Variants in RLF observed in about 807,000 individuals in gnomAD.
The protein encoded by RLF is zinc finger protein Rlf.
In RLF, 7 loss-of-function variants were observed where a neutral mutation model predicts 162.9. That is an observed-to-expected ratio of 0.04 (90% CI 0.02 to 0.08). RLF has a LOEUF of 0.08. Among genes scored for constraint, RLF ranks in the 10% least tolerant of loss-of-function variants. RLF has a pLI of 1.00. For missense variants in RLF, 1,664 were observed against 2,244.7 expected, an observed-to-expected ratio of 0.74 and a Z score of 5.23; for synonymous variants, 782 against 791.5, an observed-to-expected ratio of 0.99 and a Z score of 0.20.
intron 5 of RLF, among the ~76,000 whole-genome samples, chr1:40,206,627 T>G (rs1398045373): frequency 6.6e-6 from 1 of 152,234 alleles, no homozygotes; most frequent in African/African-American, 2.4e-5. Context: ...CTTTCCATCT[T>G]ACTCAGAATA....
intron 7 of RLF, among the ~76,000 whole-genome samples, chr1:40,235,260 C>T (rs898872665): frequency 1.3e-5 from 2 of 151,896 alleles, no homozygotes; most frequent in African/African-American, 4.8e-5. Flanking sequence ...GGGGTTTCTC[C>T]GTGTTGGTCA....
intron 4 of RLF, among the ~76,000 whole-genome samples, chr1:40,199,695 T>TTA (rs1642685746): frequency 1.3e-5 from 2 of 152,214 alleles, no homozygotes; most frequent in South Asian, 4.1e-4. Flanking sequence ...AATATGCCTG[T>TTA]TATCAGGTAT....
chr1:40,196,069 T>C (rs1642631417), intron 4 of RLF, among the ~76,000 whole-genome samples: 2 of 151,988 alleles, frequency 1.3e-5, no homozygotes, highest in South Asian at 4.1e-4. Flanking sequence ...TTGCTTATAC[T>C]TTTCTTTTCT....
intron 1 of RLF, among the ~76,000 whole-genome samples, chr1:40,175,653 A>T (rs115891215): frequency 0.048 from 7,337 of 151,734 alleles, 582 homozygotes; most frequent in African/African-American, 0.17. Flanking sequence ...CGACTCAAAA[A>T]AATAATAATA....
rs1426083298 is a variant in RLF at position 40,161,581 on chromosome 1, G to A, written c.182G>A (p.Arg61Lys). Residue 61 changes from arginine to lysine, a missense_variant, in exon 1 of 8, where the codon AGG (arginine) becomes AAG (lysine). By Grantham distance (26) the Arg-to-Lys change is conservative. This residue lies in a region of RLF where 134 missense variants were observed against 124.3 expected (regional missense o/e 1.08). Coordinates refer to ENST00000372771, the MANE Select transcript of RLF (RefSeq NM_012421.4). This position sits in a 1 kb window ranked among gnomAD's most constrained non-coding sequence, Gnocchi z 4.4. ...CTGTGGCAGCTGGAGACAGAGCTGAGGGAGCAAGAGGTGTCGGAGGTCTCA... is the reference window on the plus strand; with the variant it reads ...CTGTGGCAGCTGGAGACAGAGCTGAAGGAGCAAGAGGTGTCGGAGGTCTCA... Reference protein sequence around the residue: ...PCLWQLETELREQEVSEVSSL... With the variant: ...PCLWQLETELKEQEVSEVSSL... 6.2e-7 allele frequency: 1 copy of A among 1,613,012 alleles called. No homozygotes were observed. The highest frequency in any genetic ancestry group is 8.5e-7 in the Non-Finnish European group (1 of 1,179,588).
At chr1:40,194,934 AGTGATTCTCCT>A (rs1483898432) in intron 3 of RLF, among the ~76,000 whole-genome samples, 1 of 151,674 alleles carries the variant, frequency 6.6e-6, no homozygotes, top group African/African-American at 2.4e-5. Flanking sequence ...CCCAGGCTCA[AGTGATTCTCCT>A]GCCTCAGCCT....
chr1:40,219,521 G>T (rs1171224258), intron 5 of RLF, among the ~76,000 whole-genome samples: 1 of 152,186 alleles, frequency 6.6e-6, no homozygotes, highest in Non-Finnish European at 1.5e-5. Context: ...AGTCTAGAGT[G>T]ATATTCCTGT....
At chr1:40,199,338 G>T (rs1642679392) in intron 4 of RLF, among the ~76,000 whole-genome samples, 1 of 152,226 alleles carries the variant, frequency 6.6e-6, no homozygotes, top group Non-Finnish European at 1.5e-5. Context: ...TGTAATAAAG[G>T]AGATATCAGA....
At position 40,237,319 on chromosome 1, in the gene RLF, G is replaced by A. The variant is rs141179111; in HGVS notation, c.2617G>A (p.Ala873Thr). Residue 873 changes from alanine to threonine, a missense_variant, in exon 8 of 8, where the codon GCA (alanine) becomes ACA (threonine). Ala to Thr is a moderately conservative substitution (Grantham distance 58). This residue lies in a region of RLF where 295 missense variants were observed against 317.4 expected (regional missense o/e 0.93). Transcript: ENST00000372771. The surrounding 1 kb of genome is among the most constrained non-coding windows in gnomAD (Gnocchi z 4.4). ...KSHLPEDLFC[A>T]ESANSQIDTE... Reference sequence around the variant, plus strand: ...ACATTTACCTGAAGATCTTTTCTGTGCAGAATCAGCTAATTCTCAAATAGA... The same window carrying A: ...ACATTTACCTGAAGATCTTTTCTGTACAGAATCAGCTAATTCTCAAATAGA... 604 of 1,613,922 alleles carry A rather than the reference G, an allele frequency of 3.7e-4. 5 individuals are homozygous for A. In the African/African-American group the frequency reaches 6.8e-3, roughly 18 times the overall value.
At chr1:40,215,447 A>G (rs1642913813) in intron 5 of RLF, among the ~76,000 whole-genome samples, 1 of 152,236 alleles carries the variant, frequency 6.6e-6, no homozygotes, top group Non-Finnish European at 1.5e-5. Flanking sequence ...CTCTAACTAC[A>G]GTAAAATAAA....
chr1:40,217,634 C>T (rs573088637), intron 5 of RLF, among the ~76,000 whole-genome samples: 4 of 151,798 alleles, frequency 2.6e-5, no homozygotes, highest in African/African-American at 7.2e-5. Flanking sequence ...TAGCTGGGCG[C>T]GGGAGCGTAC....
At chr1:40,205,350 A>G (rs1217253093) in intron 5 of RLF, among the ~76,000 whole-genome samples, 1 of 152,146 alleles carries the variant, frequency 6.6e-6, no homozygotes, top group Non-Finnish European at 1.5e-5. Context: ...TCTTCAAAAA[A>G]ATAAAATAAA....
intron 5 of RLF, among the ~76,000 whole-genome samples, chr1:40,221,391 A>C (rs1642992323): frequency 6.6e-6 from 1 of 152,160 alleles, no homozygotes; most frequent in Non-Finnish European, 1.5e-5. Flanking sequence ...AGTGCTACAA[A>C]GGAGAAATTT....
At chr1:40,211,960 T>A (rs1266549045) in intron 5 of RLF, among the ~76,000 whole-genome samples, 2 of 152,244 alleles carry the variant, frequency 1.3e-5, no homozygotes, top group African/African-American at 4.8e-5. Context: ...GTGATACTTT[T>A]CTTTTGCAAG....
Position 40,236,086 on chromosome 1 carries a change from C to T in RLF, c.1384C>T (p.His462Tyr). The part of the protein sequence containing the change: ...RCELLLALKA[H>Y]WPFDPEFWDW... Reference sequence around the variant, plus strand: ...TGAGCTCTTACTAGCTTTAAAAGCCCACTGGCCTTTTGATCCTGAGTTTTG... The same window carrying T: ...TGAGCTCTTACTAGCTTTAAAAGCCTACTGGCCTTTTGATCCTGAGTTTTG... The change falls in exon 8 of 8, where the codon CAC becomes TAC. Residue 462 changes from histidine to tyrosine, a missense_variant. By Grantham distance (83) the His-to-Tyr change is moderately conservative. Coordinates refer to ENST00000372771, the MANE Select transcript of RLF (RefSeq NM_012421.4). The surrounding 1 kb of genome is among the most constrained non-coding windows in gnomAD (Gnocchi z 7.7). 1 of 1,614,120 alleles carries T rather than the reference C, an allele frequency of 6.2e-7. No homozygotes were observed. Among genetic ancestry groups the T allele is most frequent in the Non-Finnish European group, 8.5e-7 (1 of 1,180,004 alleles).
rs1381259145 is a variant in RLF at position 40,165,569 on chromosome 1, T to A, written c.237+3933T>A. Among the ~76,000 whole-genome samples, 4 of 152,104 alleles carry A rather than the reference T, an allele frequency of 2.6e-5. 1 individual carries two copies. Among genetic ancestry groups the A allele is most frequent in the Non-Finnish European group, 5.9e-5 (4 of 68,022 alleles). Reference sequence around the variant, plus strand: ...CCAGATAGGTTTCCTCTTATTTGTTTGGGATTTTTTTGGGGGGACACTGTA... The same window carrying A: ...CCAGATAGGTTTCCTCTTATTTGTTAGGGATTTTTTTGGGGGGACACTGTA... On this transcript the variant is annotated intron_variant, in intron 1 of 7. Coordinates refer to ENST00000372771, the MANE Select transcript of RLF (RefSeq NM_012421.4).
Position 40,182,753 on chromosome 1 carries a change from G to GTAGGTAGATAGATAGA in RLF, c.238-6299_238-6298insGTAGATAGATAGATAG, listed in dbSNP as rs144667492. ...GAAAAAAGTATAGACAGATAGATAGGTAGATAGATAGATAGATAGATAGAT... is the reference window on the plus strand; with the variant it reads ...GAAAAAAGTATAGACAGATAGATAGGTAGGTAGATAGATAGATAGATAGATAGATAGATAGATAGAT... On this transcript the variant is annotated intron_variant, in intron 1 of 7. Coordinates refer to ENST00000372771, the MANE Select transcript of RLF (RefSeq NM_012421.4). 7.8e-3 allele frequency among the ~76,000 whole-genome samples: 1,156 copies of GTAGGTAGATAGATAGA among 148,862 alleles called. 10 individuals carry two copies. Among genetic ancestry groups the GTAGGTAGATAGATAGA allele is most frequent in the South Asian group, 0.023 (104 of 4,610 alleles).
chr1:40,205,991 C>T (rs1557750837), intron 5 of RLF, among the ~76,000 whole-genome samples: 1 of 152,104 alleles, frequency 6.6e-6, no homozygotes, highest in Non-Finnish European at 1.5e-5. Context: ...CTTAACTAGG[C>T]TTATTTCCTT....
intron 5 of RLF, among the ~76,000 whole-genome samples, chr1:40,211,555 T>G (rs1036313469): frequency 3.9e-5 from 6 of 152,236 alleles, no homozygotes; most frequent in Admixed American, 2.0e-4. Context: ...ACACATAAAG[T>G]TATCTTAAAA....
Sources: allele counts gnomAD v4.1 joint callset (sites outside exome capture counted in the v4.1 genomes callset), GRCh38; gene constraint gnomAD v4.1.1; regional missense constraint gnomAD v4.1.1; non-coding constraint Gnocchi (gnomAD v3.1); transcripts MANE v1.5; gene names NCBI Gene and HGNC (gene_info 2026-07-23, HGNC 2026-07-21).